The following XKR9 variants were observed in gnomAD, a reference collection of about 807,000 sequenced individuals.
XKR9 encodes XK-related protein 9.
A neutral mutation model predicts 32.0 loss-of-function variants in XKR9; 32 were observed. The ratio of observed to expected loss-of-function variants is 1.00; its 90% CI spans 0.76 to 1.34. The LOEUF (loss-of-function observed/expected upper bound fraction) is 1.34, where lower values mean the gene tolerates loss of function less well. Among genes scored for constraint, XKR9 ranks in the 40% most tolerant of loss-of-function variants. The pLI is 0.00. For synonymous variants in XKR9, 168 were observed against 143.4 expected (o/e 1.17, Z -1.22); for missense variants, 546 against 429.7 (o/e 1.27, Z -2.39).
At chr8:71,038,012 C>T in the XKR9 span, among the ~76,000 whole-genome samples, 1 of 152,116 alleles carries the variant, frequency 6.6e-6, no homozygotes, top group Non-Finnish European at 1.5e-5. Flanking sequence ...TATTGTCTGG[C>T]TTACATAGGT....
the XKR9 span, among the ~76,000 whole-genome samples, chr8:70,848,541 G>A: frequency 6.6e-6 from 1 of 151,814 alleles, no homozygotes; most frequent in Non-Finnish European, 1.5e-5. Flanking sequence ...TATATTGAAA[G>A]CCTAAAGACA....
intron 3 of XKR9, among the ~76,000 whole-genome samples, chr8:70,703,952 G>A (rs1805630307): frequency 6.6e-6 from 1 of 152,138 alleles, no homozygotes; most frequent in Non-Finnish European, 1.5e-5. Flanking sequence ...GGAGCCTGAG[G>A]TGGGTGGATC....
At chr8:70,862,350 C>A in the XKR9 span, among the ~76,000 whole-genome samples, 1 of 152,028 alleles carries the variant, frequency 6.6e-6, no homozygotes, top group Non-Finnish European at 1.5e-5. Flanking sequence ...CTTATTAGAG[C>A]AACTAAGGTT....
chr8:70,706,844 A>G (rs1805732120), intron 3 of XKR9, 89 bp from the exon 4 acceptor site: 7 of 1,106,492 alleles, frequency 6.3e-6, no homozygotes, highest in African/African-American at 1.6e-5. Flanking sequence ...CTTAAAACAC[A>G]TATTCCTTTT....
the XKR9 span, among the ~76,000 whole-genome samples, chr8:70,881,300 A>G: frequency 6.6e-6 from 1 of 152,222 alleles, no homozygotes; most frequent in Admixed American, 6.5e-5. Context: ...GCTTCTGCAC[A>G]GCAAAAGAAA....
chr8:70,950,224 G>C, the XKR9 span, among the ~76,000 whole-genome samples: 1 of 152,132 alleles, frequency 6.6e-6, no homozygotes, highest in Non-Finnish European at 1.5e-5. Flanking sequence ...CTTGGTGGGG[G>C]AAGACAGACA....
chr8:70,739,717 T>TC (rs1407167941), downstream of XKR9, among the ~76,000 whole-genome samples: 2 of 152,174 alleles, frequency 1.3e-5, no homozygotes, highest in Non-Finnish European at 2.9e-5. Flanking sequence ...TATTTCTCCT[T>TC]CACTTATTAA....
At chr8:70,924,455 G>A in the XKR9 span, among the ~76,000 whole-genome samples, 1 of 152,086 alleles carries the variant, frequency 6.6e-6, no homozygotes, top group Non-Finnish European at 1.5e-5. Flanking sequence ...ACTCAATTTG[G>A]TTTATAAACT....
At chr8:71,052,829 A>T in the XKR9 span, among the ~76,000 whole-genome samples, 1 of 152,170 alleles carries the variant, frequency 6.6e-6, no homozygotes, top group East Asian at 1.9e-4. Context: ...TACAGGCCCC[A>T]TGGCAGGCTG....
chr8:70,754,062 C>G (rs1807181964), intron 2 of XKR9, among the ~76,000 whole-genome samples: 1 of 147,374 alleles, frequency 6.8e-6, no homozygotes, highest in African/African-American at 2.4e-5. Context: ...GCAACTTCGG[C>G]AAAGTCTCAG....
the XKR9 span, among the ~76,000 whole-genome samples, chr8:70,975,428 A>AGGTGAAACT: frequency 1.3e-5 from 2 of 152,216 alleles, no homozygotes; most frequent in Non-Finnish European, 2.9e-5. Context: ...ATAAGGTGTA[A>AGGTGAAACT]GGAAGGTATC....
the XKR9 span, among the ~76,000 whole-genome samples, chr8:70,966,943 C>T: frequency 6.6e-6 from 1 of 151,842 alleles, no homozygotes; most frequent in Non-Finnish European, 1.5e-5. Flanking sequence ...GGTTGTGACC[C>T]CAGTTTTTTT....
At chr8:70,927,314 G>A in the XKR9 span, among the ~76,000 whole-genome samples, 4 of 152,198 alleles carry the variant, frequency 2.6e-5, no homozygotes, top group African/African-American at 4.8e-5. Context: ...GGTGGGGATC[G>A]TCTTTGGATG....
chr8:71,040,917 G>A, the XKR9 span, among the ~76,000 whole-genome samples: 1 of 152,118 alleles, frequency 6.6e-6, no homozygotes, highest in Non-Finnish European at 1.5e-5. Flanking sequence ...CTAGGACAGA[G>A]TCCCCAAAGT....
At chr8:70,931,173 C>T in the XKR9 span, among the ~76,000 whole-genome samples, 1 of 151,540 alleles carries the variant, frequency 6.6e-6, no homozygotes, top group East Asian at 1.9e-4. Context: ...ATCAGAGTGC[C>T]AATTTATTTA....
the XKR9 span, among the ~76,000 whole-genome samples, chr8:71,010,526 C>T: frequency 6.6e-6 from 1 of 152,168 alleles, no homozygotes; most frequent in Non-Finnish European, 1.5e-5. Context: ...AAGCTCTTCT[C>T]CTTTCCTATT....
At chr8:70,922,749 T>C in the XKR9 span, among the ~76,000 whole-genome samples, 1 of 152,178 alleles carries the variant, frequency 6.6e-6, no homozygotes, top group Non-Finnish European at 1.5e-5. Flanking sequence ...CAACCAGTAG[T>C]AAAATTTTAG....
intron 1 of XKR9, among the ~76,000 whole-genome samples, chr8:70,669,975 A>G (rs1039773322): frequency 6.6e-6 from 1 of 152,114 alleles, no homozygotes. Flanking sequence ...CAGCCTGTTC[A>G]TCTTTTATAA....
chr8:70,952,171 C>T, the XKR9 span, among the ~76,000 whole-genome samples: 1 of 151,814 alleles, frequency 6.6e-6, no homozygotes, highest in South Asian at 2.1e-4. Context: ...CACACACACA[C>T]ACACACACAC....
Sources: allele counts gnomAD v4.1 joint callset (sites outside exome capture counted in the v4.1 genomes callset), GRCh38; gene constraint gnomAD v4.1.1; transcripts MANE v1.5; gene names NCBI Gene and HGNC (gene_info 2026-07-23, HGNC 2026-07-21).